CMSS1: variants seen among roughly 807,000 people sequenced by gnomAD.
The protein encoded by CMSS1 is protein CMSS1.
A neutral mutation model predicts 43.5 loss-of-function variants in CMSS1; 33 were observed. That is an observed-to-expected ratio of 0.76 (90% CI 0.57 to 1.01). The LOEUF (loss-of-function observed/expected upper bound fraction) is 1.01, where lower values mean the gene tolerates loss of function less well. Among genes scored for constraint, CMSS1 ranks in the 50% least tolerant of loss-of-function variants. The pLI, the probability that CMSS1 is intolerant of heterozygous loss-of-function variation, is 0.00. For synonymous variants in CMSS1, 115 were observed against 117.2 expected (o/e 0.98, Z 0.12); for missense variants, 313 against 326.4 (o/e 0.96, Z 0.32).
chr3:99,843,317 C>G lies in CMSS1; in HGVS notation c.64+25274C>G, dbSNP rs1943214955. ...CAAAGATTTAGGCATCTATGCTTTG[C>G]TACAGTTATAAAACCGGGAATCTTC... On this transcript the variant is annotated intron_variant, in intron 1 of 9. Transcript: ENST00000421999. Among the ~76,000 whole-genome samples, 3 of 152,172 alleles carry G rather than the reference C, an allele frequency of 2.0e-5. No individual in the cohort carries two copies. The South Asian group carries it at 6.2e-4, about 32-fold the overall frequency.
chr3:99,900,684 C>T (rs192383537), intron 1 of CMSS1, among the ~76,000 whole-genome samples: 44 of 152,302 alleles, frequency 2.9e-4, no homozygotes, highest in African/African-American at 1.1e-3. Context: ...TGTAATCTTC[C>T]CTCTTTCTTC....
At chr3:100,081,396 CCCACTGT>C (rs1472362232) in intron 1 of CMSS1, among the ~76,000 whole-genome samples, 3 of 152,194 alleles carry the variant, frequency 2.0e-5, no homozygotes, top group African/African-American at 7.2e-5. Context: ...TCTTTGAAAG[CCCACTGT>C]CATACTCTTA....
At chr3:99,850,348 G>C (rs747343421) in intron 1 of CMSS1, 1 of 1,613,084 alleles carries the variant, frequency 6.2e-7, no homozygotes, top group South Asian at 1.1e-5. Context: ...GCATTTCAGA[G>C]AGTAGCATTC....
chr3:100,139,530 TG>T (rs1265016107), intron 1 of CMSS1, among the ~76,000 whole-genome samples: 2 of 18,360 alleles, frequency 1.1e-4, no homozygotes, highest in African/African-American at 4.3e-4. Flanking sequence ...AAAAAAAAAA[TG>T]TGTGTGTGTG....
At chr3:100,086,305 G>A (rs1250021337) in intron 1 of CMSS1, among the ~76,000 whole-genome samples, 3 of 152,152 alleles carry the variant, frequency 2.0e-5, no homozygotes, top group South Asian at 2.1e-4. Flanking sequence ...GAAAAGCCAC[G>A]AAGTTAGTTG....
At chr3:99,822,564 C>T (rs1272841807) in intron 1 of CMSS1, among the ~76,000 whole-genome samples, 1 of 152,170 alleles carries the variant, frequency 6.6e-6, no homozygotes, top group African/African-American at 2.4e-5. Context: ...AACCCTGTCT[C>T]TACTAAAACT....
chr3:99,984,518 C>T (rs1052251854), intron 1 of CMSS1, among the ~76,000 whole-genome samples: 2 of 152,152 alleles, frequency 1.3e-5, no homozygotes, highest in Non-Finnish European at 2.9e-5. Context: ...CTGATGTGGT[C>T]AGTGGTCCTC....
At chr3:99,924,523 T>C (rs1707228183) in intron 1 of CMSS1, 2 of 1,089,042 alleles carry the variant, frequency 1.8e-6, no homozygotes, top group Non-Finnish European at 2.7e-6. Flanking sequence ...TTTGGTTTTT[T>C]GTTTGTTTGT....
chr3:99,980,544 G>T (rs1709091941), intron 1 of CMSS1, among the ~76,000 whole-genome samples: 1 of 152,118 alleles, frequency 6.6e-6, no homozygotes, highest in East Asian at 1.9e-4. Flanking sequence ...TTCAGTTCAG[G>T]TTTTATCCAA....
chr3:100,012,779 T>TTTTGGGGGG (rs1710197030), intron 1 of CMSS1, among the ~76,000 whole-genome samples: 1 of 134,766 alleles, frequency 7.4e-6, no homozygotes, highest in Non-Finnish European at 1.6e-5. Context: ...TTTTTTTTTT[T>TTTTGGGGGG]GGGTTGGGGG....
intron 1 of CMSS1, among the ~76,000 whole-genome samples, chr3:100,045,765 ATG>A (rs2065269519): frequency 6.6e-6 from 1 of 152,230 alleles, no homozygotes; most frequent in South Asian, 2.1e-4. Flanking sequence ...TTTGCTGTGA[ATG>A]TGGGGAAACC....
At chr3:99,897,369 CAA>C (rs200872436) in intron 1 of CMSS1, among the ~76,000 whole-genome samples, 4 of 134,264 alleles carry the variant, frequency 3.0e-5, no homozygotes, top group Admixed American at 7.5e-5. Context: ...GACTTTGTCT[CAA>C]AAAAAAAAAA....
intron 1 of CMSS1, among the ~76,000 whole-genome samples, chr3:100,005,939 C>T (rs1325975436): frequency 1.3e-5 from 2 of 152,138 alleles, no homozygotes; most frequent in African/African-American, 4.8e-5. Context: ...CCCATTCATT[C>T]CCACCTCCGC....
intron 2 of CMSS1, among the ~76,000 whole-genome samples, chr3:100,157,872 C>T (rs2107524346): frequency 6.6e-6 from 1 of 152,284 alleles, no homozygotes; most frequent in East Asian, 1.9e-4. Context: ...CAGCCAATCT[C>T]TTCTTTTTTA....
intron 1 of CMSS1, among the ~76,000 whole-genome samples, chr3:100,039,536 G>A (rs758317771): frequency 4.6e-5 from 7 of 151,988 alleles, no homozygotes; most frequent in South Asian, 2.1e-4. Context: ...TATAATATGC[G>A]GGATACCAGG....
At chr3:100,092,305 C>T (rs1009146581) in intron 1 of CMSS1, among the ~76,000 whole-genome samples, 1 of 152,058 alleles carries the variant, frequency 6.6e-6, no homozygotes, top group African/African-American at 2.4e-5. Context: ...GCATGTGTCC[C>T]TGAAACCAGT....
intron 1 of CMSS1, among the ~76,000 whole-genome samples, chr3:99,880,769 T>C (rs186175743): frequency 2.6e-4 from 40 of 152,336 alleles, no homozygotes; most frequent in Non-Finnish European, 5.9e-5. Context: ...CATGTAGTCC[T>C]ACCACATGAA....
chr3:99,820,823 T>G (rs966024310), intron 1 of CMSS1, among the ~76,000 whole-genome samples: 2 of 152,222 alleles, frequency 1.3e-5, no homozygotes, highest in Non-Finnish European at 2.9e-5. Context: ...GCCTAAAGTA[T>G]GTGAATTATG....
At chr3:99,888,868 T>C (rs1183080785) in intron 1 of CMSS1, among the ~76,000 whole-genome samples, 2 of 152,234 alleles carry the variant, frequency 1.3e-5, no homozygotes, top group Non-Finnish European at 2.9e-5. Flanking sequence ...CTTATTGGGC[T>C]TTCATCTCTT....
Sources: gnomAD v4.1 joint callset for allele counts (sites outside exome capture counted in the v4.1 genomes callset) on GRCh38, gnomAD v4.1.1 for gene constraint, MANE v1.5 for transcripts, NCBI Gene and HGNC (gene_info 2026-07-23, HGNC 2026-07-21) for gene names.